Variants in B3GNT5 observed in about 807,000 individuals in gnomAD.
The protein encoded by B3GNT5 is UDP-GlcNAc:betaGal beta-1,3-N-acetylglucosaminyltransferase 5, also known as lactosylceramide 1,3-N-acetyl-beta-D-glucosaminyltransferase.
In B3GNT5, 11 loss-of-function variants were observed where a neutral mutation model predicts 25.9. The observed-to-expected ratio is 0.42, with a 90% CI of 0.27 to 0.70. B3GNT5 has a LOEUF of 0.70. Ranked by LOEUF, B3GNT5 falls within the 30% of genes least tolerant of loss-of-function variation. B3GNT5 has a pLI of 0.23. For synonymous variants in B3GNT5, 166 were observed against 158.6 expected (o/e 1.05, Z -0.35); for missense variants, 385 against 458.4 (o/e 0.84, Z 1.46).
intron 1 of B3GNT5, among the ~76,000 whole-genome samples, chr3:183,269,248 T>TTTTTTTAA (rs1726486222): frequency 6.7e-6 from 1 of 149,354 alleles, no homozygotes; most frequent in African/African-American, 2.5e-5. Flanking sequence ...TTTTTTTTTT[T>TTTTTTTAA]AAGAGTAGGA....
intron 1 of B3GNT5, among the ~76,000 whole-genome samples, chr3:183,254,463 A>AG (rs1485330131): frequency 6.6e-6 from 1 of 151,884 alleles, no homozygotes; most frequent in African/African-American, 2.4e-5. Flanking sequence ...GCGGGTGGCC[A>AG]GCGGCTGGGA....
chr3:183,273,301 A>T lies in B3GNT5; in HGVS notation c.*2366A>T. On this transcript the variant is annotated 3_prime_UTR_variant, in exon 2 of 2. Transcript: ENST00000326505. ...TTATACCAAAATGTTAAATATTTGT[A>T]TTACTTGAATTTTGCTCTTGTATGG... The T allele has an allele frequency of 3.3e-6, 1 of 299,794 alleles. No individual in the cohort carries two copies. Among genetic ancestry groups the T allele is most frequent in the South Asian group, 1.6e-4 (1 of 6,314 alleles). The allele number at this position is 299,794 out of a possible 1,614,324, so 18.6% of individuals were successfully genotyped here. A position where few individuals can be genotyped will look rare whatever the true frequency, so the allele number is the denominator to read the frequency against.
chr3:183,254,398 GAGA>G (rs1441281180), intron 1 of B3GNT5, among the ~76,000 whole-genome samples: 1 of 151,870 alleles, frequency 6.6e-6, no homozygotes, highest in Non-Finnish European at 1.5e-5. Context: ...AAGCGCGGCG[GAGA>G]AGGAGGCTCG....
At chr3:183,257,061 G>GA (rs1347834324) in intron 1 of B3GNT5, among the ~76,000 whole-genome samples, 7 of 150,816 alleles carry the variant, frequency 4.6e-5, no homozygotes, top group Admixed American at 1.3e-4. Context: ...AAAAAAACCT[G>GA]AAAAAAAAAT....
chr3:183,258,641 A>AC lies in B3GNT5; in HGVS notation c.-302+5176dup, dbSNP rs536630992. 5.7e-3 allele frequency among the ~76,000 whole-genome samples: 852 copies of AC among 149,934 alleles called. 3 individuals are homozygous for AC. Among genetic ancestry groups the AC allele is most frequent in the Non-Finnish European group, 9.9e-3 (666 of 67,512 alleles). On this transcript the variant is annotated intron_variant, in intron 1 of 1. Transcript: ENST00000326505. ...CTTGGGGAATTAGTCCCAGGACACC[A>AC]CCCCCCCGCCCCTGATATCCATGCA...
intron 1 of B3GNT5, among the ~76,000 whole-genome samples, chr3:183,256,908 T>C (rs1725090068): frequency 6.6e-6 from 1 of 152,180 alleles, no homozygotes; most frequent in African/African-American, 2.4e-5. Context: ...TTCAGTCAAT[T>C]AGGGATGATA....
intron 1 of B3GNT5, chr3:183,258,166 C>G (rs958402585): frequency 1.3e-5 from 2 of 152,226 alleles, no homozygotes; most frequent in African/African-American, 4.8e-5. Flanking sequence ...TGGGGTTTCA[C>G]CATGTTAGCC....
chr3:183,259,594 G>C (rs1270125444), intron 1 of B3GNT5, among the ~76,000 whole-genome samples: 2 of 152,080 alleles, frequency 1.3e-5, no homozygotes, highest in Non-Finnish European at 2.9e-5. Flanking sequence ...AGCTTTTCCA[G>C]GCCAGGGTGT....
chr3:183,259,180 C>T (rs1012538083), intron 1 of B3GNT5, among the ~76,000 whole-genome samples: 3 of 152,126 alleles, frequency 2.0e-5, no homozygotes, highest in Admixed American at 6.6e-5. Flanking sequence ...GTATCTTAGT[C>T]AGTTTTTCTG....
Position 183,267,597 on chromosome 3 carries a change from C to T in B3GNT5, c.-301-1901C>T, listed in dbSNP as rs752789111. Among the ~76,000 whole-genome samples the T allele has an allele frequency of 6.6e-6, 1 of 152,232 alleles. No homozygotes were observed. Among genetic ancestry groups the T allele is most frequent in the Non-Finnish European group, 1.5e-5 (1 of 68,046 alleles). ...CTTTGCCCTGGGGCTTGCTATGTGG[C>T]TCAGCCTACACGGCTCTCTCCCCGT... On this transcript the variant is annotated intron_variant, in intron 1 of 1. Transcript: ENST00000326505. The surrounding 1 kb of genome is among the most constrained non-coding windows in gnomAD (Gnocchi z 5.5).
intron 1 of B3GNT5, among the ~76,000 whole-genome samples, chr3:183,262,934 G>C (rs1725756259): frequency 6.6e-6 from 1 of 152,072 alleles, no homozygotes; most frequent in African/African-American, 2.4e-5. Flanking sequence ...GAGGGCGCTG[G>C]GGTCTGGGGT....
chr3:183,259,100 C>G (rs1725351651), intron 1 of B3GNT5, among the ~76,000 whole-genome samples: 1 of 152,122 alleles, frequency 6.6e-6, no homozygotes, highest in East Asian at 1.9e-4. Flanking sequence ...CGTACACGAC[C>G]AACTGCATAT....
rs1414552478 is a variant in B3GNT5 at position 183,272,066 on chromosome 3, C to A, written c.*1131C>A. 1.3e-6 allele frequency: 1 copy of A among 762,316 alleles called. No homozygotes were observed. The highest frequency in any genetic ancestry group is 1.6e-6 in the Non-Finnish European group (1 of 613,108). The allele number at this position is 762,316 out of a possible 1,614,324, so 47.2% of individuals were successfully genotyped here. A position where few individuals can be genotyped will look rare whatever the true frequency, so the allele number is the denominator to read the frequency against. On this transcript the variant is annotated 3_prime_UTR_variant, in exon 2 of 2. Transcript: ENST00000326505. ...TTCATCAATAACTGTCAGAGGTGAT[C>A]TTTATTTTCTAAATATTTCAAACTT...
Position 183,272,553 on chromosome 3 carries a change from T to C in B3GNT5, c.*1618T>C. 1.0e-6 allele frequency: 1 copy of C among 992,626 alleles called. No individual in the cohort carries two copies. The highest frequency in any genetic ancestry group is 1.2e-6 in the Non-Finnish European group (1 of 823,252). The allele number at this position is 992,626 out of a possible 1,614,324, so 61.5% of individuals were successfully genotyped here. A position where few individuals can be genotyped will look rare whatever the true frequency, so the allele number is the denominator to read the frequency against. ...TTCTATTTTGAAATTTGAGGCTTGT[T>C]TACATTGCTTAGATAATTTAGAATT... On this transcript the variant is annotated 3_prime_UTR_variant, in exon 2 of 2. Transcript: ENST00000326505.
In B3GNT5 at chr3:183,258,212, C is replaced by T. The variant is rs184355749; in HGVS notation, c.-302+4740C>T. ...TGATCTCCCGACCTCCTGATCCGCC[C>T]GCCTCGGCCTCCCAAAGTGCTGGGA... On this transcript the variant is annotated intron_variant, in intron 1 of 1. Coordinates refer to ENST00000326505, the MANE Select transcript of B3GNT5 (RefSeq NM_032047.5). The T allele has an allele frequency of 1.0e-3, 153 of 152,828 alleles. No individual in the cohort carries two copies. In the East Asian group the frequency reaches 0.018, roughly 18 times the overall value. 9.5% of individuals were successfully genotyped at this position (152,828 alleles called of 1,614,324 possible).
At chr3:183,257,660 T>C (rs892945564) in intron 1 of B3GNT5, among the ~76,000 whole-genome samples, 3 of 152,212 alleles carry the variant, frequency 2.0e-5, no homozygotes, top group Admixed American at 6.5e-5. Context: ...CTCTATCAAG[T>C]GTTGCTTCTA....
chr3:183,262,877 C>T (rs55990957), intron 1 of B3GNT5, among the ~76,000 whole-genome samples: 2,316 of 151,998 alleles, frequency 0.015, 57 homozygotes, highest in African/African-American at 0.052. Flanking sequence ...CCTGGTAAGT[C>T]CCATTTCCCC....
intron 1 of B3GNT5, among the ~76,000 whole-genome samples, chr3:183,261,165 C>A (rs144734451): frequency 1.6e-3 from 242 of 152,276 alleles, no homozygotes; most frequent in Admixed American, 4.9e-3. Context: ...TATTTCTTAA[C>A]ACCGATTATT....
At chr3:183,266,010 A>C (rs772194538) in intron 1 of B3GNT5, 20 of 152,230 alleles carry the variant, frequency 1.3e-4, no homozygotes, top group Non-Finnish European at 2.6e-4. Context: ...AGCTGAAAAA[A>C]TACAGGAAAA....
Sources: allele counts gnomAD v4.1 joint callset (sites outside exome capture counted in the v4.1 genomes callset), GRCh38; gene constraint gnomAD v4.1.1; non-coding constraint Gnocchi (gnomAD v3.1); transcripts MANE v1.5; gene names NCBI Gene and HGNC (gene_info 2026-07-23, HGNC 2026-07-21).